PFKFB1: variants seen among roughly 807,000 people sequenced by gnomAD.
PFKFB1 encodes 6-phosphofructo-2-kinase/fructose-2,6-biphosphatase 1.
In PFKFB1, 34 loss-of-function variants were observed where a neutral mutation model predicts 46.4. That is an observed-to-expected ratio of 0.73 (90% CI 0.56 to 0.98). The LOEUF is 0.98. PFKFB1 is among the 50% of genes least tolerant of loss of function. PFKFB1 has a pLI of 0.00. For missense variants in PFKFB1, 393 were observed against 376.3 expected, an observed-to-expected ratio of 1.04 and a Z score of -0.37; for synonymous variants, 119 against 133.8, an observed-to-expected ratio of 0.89 and a Z score of 0.76.
chrX:54,987,798 A>G (rs935269017), intron 1 of PFKFB1, among the ~76,000 whole-genome samples: 2 of 110,815 alleles, frequency 1.8e-5, no homozygotes, highest in Admixed American at 9.6e-5. Context: ...GATAAAACCA[A>G]CAACAAATTA....
At chrX:54,994,698 C>T (rs1235595270), upstream of PFKFB1, 17 of 754,551 alleles carry the variant, frequency 2.3e-5, no homozygotes, top group Non-Finnish European at 2.7e-5. Flanking sequence ...CATTGCATCC[C>T]TTGTCTTCTC....
rs1018002998 is a variant in PFKFB1 at position 54,987,336 on chromosome X, G to A, written c.97+6575C>T. ...AGAAAGAAAAGTCCAGGATTAGATG[G>A]TTTCACTGGTGAATTCTACAAACAT... On this transcript the variant is annotated intron_variant, in intron 1 of 13. Transcript: ENST00000375006. Among the ~76,000 whole-genome samples, 42 of 111,286 alleles carry A rather than the reference G, an allele frequency of 3.8e-4. 1 individual carries two copies. Among genetic ancestry groups the A allele is most frequent in the African/African-American group, 1.3e-3 (41 of 30,842 alleles).
In PFKFB1 at chrX:54,962,478, T is replaced by C. The variant is rs781562150; in HGVS notation, c.223+779A>G. Reference sequence around the variant, plus strand: ...GACAGGGTGTGAGTCTCAACCAGTTTTGTATCCCCACTGCCTAGCAGGAGT... The same window carrying C: ...GACAGGGTGTGAGTCTCAACCAGTTCTGTATCCCCACTGCCTAGCAGGAGT... On this transcript the variant is annotated intron_variant, in intron 2 of 13. Coordinates refer to ENST00000375006, the MANE Select transcript of PFKFB1 (RefSeq NM_002625.4). Among the ~76,000 whole-genome samples the C allele has an allele frequency of 1.3e-3, 148 of 112,311 alleles. 1 individual carries two copies. Among genetic ancestry groups the C allele is most frequent in the Non-Finnish European group, 2.2e-3 (115 of 53,256 alleles).
chrX:54,975,344 G>A (rs1934809458), intron 1 of PFKFB1, among the ~76,000 whole-genome samples: 1 of 111,305 alleles, frequency 9.0e-6, no homozygotes, highest in African/African-American at 3.3e-5. Context: ...CTTGGATGGA[G>A]ATGGTGGCCA....
At position 54,949,087 on chromosome X, in the gene PFKFB1, A is replaced by G. The variant is rs769146081; in HGVS notation, c.981T>C (p.Asn327=). The G allele has an allele frequency of 1.2e-4, 147 of 1,205,625 alleles. 2 individuals are homozygous for G. Among genetic ancestry groups the G allele is most frequent in the Non-Finnish European group, 1.1e-4 (97 of 891,465 alleles). ...CCATGCATCTCACCGCATCAATCTC[A>G]TTCAGGGCCTTCCACTGCTCATAGG... ...GVPYEQWKAL[N]EIDAGVCEEM... The change falls in exon 9 of 14, where the codon AAT becomes AAC. Residue 327 remains asparagine, a synonymous_variant. Transcript: ENST00000375006.
Position 54,934,951 on chromosome X carries a change from A to G in PFKFB1, c.1287T>C (p.Ala429=). ...GATCAGGGTGGGAGTACTTACCATAAGCCACAGGAGTGAGTTTGAGCACTG... is the reference window on the plus strand; with the variant it reads ...GATCAGGGTGGGAGTACTTACCATAGGCCACAGGAGTGAGTTTGAGCACTG... ...LHTVLKLTPV[A]YGCKVESIYL... The change falls in exon 12 of 14, where the codon GCT becomes GCC. Residue 429 remains alanine (A), a synonymous_variant. Transcript: ENST00000375006. 8.3e-7 allele frequency: 1 copy of G among 1,202,161 alleles called. No homozygotes were observed. The highest frequency in any genetic ancestry group is 1.1e-6 in the Non-Finnish European group (1 of 887,145).
chrX:54,994,594 C>T (rs13440562), upstream of PFKFB1: 245 of 752,671 alleles, frequency 3.3e-4, no homozygotes, highest in Middle Eastern at 1.5e-3. Context: ...ACACAAAGTC[C>T]CTACTGGGGA....
chrX:54,986,951 A>C (rs1367460360), intron 1 of PFKFB1, among the ~76,000 whole-genome samples: 1 of 111,178 alleles, frequency 9.0e-6, no homozygotes, highest in Non-Finnish European at 1.9e-5. Flanking sequence ...TAGAGGTGAA[A>C]ATAATAAAAC....
intron 10 of PFKFB1, among the ~76,000 whole-genome samples, chrX:54,944,247 C>T: frequency 9.0e-6 from 1 of 110,701 alleles, no homozygotes; most frequent in East Asian, 2.8e-4. Flanking sequence ...AGGGTAATCT[C>T]TAAATGAATG....
intron 1 of PFKFB1, among the ~76,000 whole-genome samples, chrX:54,973,319 GT>G (rs1234089864): frequency 2.7e-5 from 3 of 111,196 alleles, no homozygotes; most frequent in Non-Finnish European, 5.7e-5. Flanking sequence ...TTTTTGAAGG[GT>G]TTTTTGTGTC....
At position 54,960,818 on chromosome X, in the gene PFKFB1, A is replaced by G; in HGVS notation, c.317+6T>C. On this transcript the variant is annotated splice_donor_region_variant and intron_variant, in intron 3 of 13. Coordinates refer to ENST00000375006, the MANE Select transcript of PFKFB1 (RefSeq NM_002625.4). ...AGCACAGGTTCCTAAAATATTGGGT[A>G]CTTACTTCCTGATTTGCAGGGCTTC... is the stretch of plus-strand genomic sequence containing the variant. 8.8e-7 allele frequency: 1 copy of G among 1,132,208 alleles called. No individual in the cohort carries two copies. The highest frequency in any genetic ancestry group is 1.2e-6 in the Non-Finnish European group (1 of 828,291). 93.3% of individuals were successfully genotyped at this position (1,132,208 alleles called of 1,213,427 possible). A position where few individuals can be genotyped will look rare whatever the true frequency, so the allele number is the denominator to read the frequency against.
At chrX:54,975,628 G>C (rs1024512398) in intron 1 of PFKFB1, among the ~76,000 whole-genome samples, 2 of 110,692 alleles carry the variant, frequency 1.8e-5, no homozygotes, top group Non-Finnish European at 3.8e-5. Context: ...AAAAACTATT[G>C]AAAATAAATA....
At chrX:54,983,669 C>G (rs1276693659) in intron 1 of PFKFB1, among the ~76,000 whole-genome samples, 1 of 112,008 alleles carries the variant, frequency 8.9e-6, no homozygotes, top group Non-Finnish European at 1.9e-5. Context: ...TTTATATCCC[C>G]TTGGGTATAT....
At chrX:54,937,348 T>G (rs927882764) in intron 11 of PFKFB1, among the ~76,000 whole-genome samples, 6 of 112,360 alleles carry the variant, frequency 5.3e-5, no homozygotes, top group Middle Eastern at 4.6e-3. Flanking sequence ...TGTTCTAAAC[T>G]TTTTACTTAT....
chrX:54,945,294 T>C, intron 10 of PFKFB1, 145 bp downstream of exon 10: 2 of 384,768 alleles, frequency 5.2e-6, no homozygotes, highest in Non-Finnish European at 9.0e-6. Context: ...AAGGGCCAGA[T>C]AATCATGTGC....
chrX:54,946,529 G>A (rs1307334016), intron 9 of PFKFB1, among the ~76,000 whole-genome samples: 2 of 111,561 alleles, frequency 1.8e-5, no homozygotes, highest in African/African-American at 3.3e-5. Flanking sequence ...CCCCATCAGG[G>A]GTGAGGAAGT....
At chrX:54,997,658 C>G (rs1483192088), upstream of PFKFB1, among the ~76,000 whole-genome samples, 1 of 111,687 alleles carries the variant, frequency 9.0e-6, no homozygotes, top group Non-Finnish European at 1.9e-5. Context: ...CACACACTTA[C>G]AAGCTAGGTG....
chrX:54,960,849 T>C lies in PFKFB1; in HGVS notation c.292A>G (p.Asn98Asp), dbSNP rs1156585179. The C allele has an allele frequency of 1.7e-6, 2 of 1,185,969 alleles. No homozygotes were observed. Among genetic ancestry groups the C allele is most frequent in the East Asian group, 6.1e-5 (2 of 32,963 alleles). The change falls in exon 3 of 14, where the codon AAC becomes GAC. Residue 98 changes from asparagine (N) to aspartate (D), a missense_variant. Transcript: ENST00000375006. The part of the protein sequence containing the change: ...YKNYEFFLPD[N>D]MEALQIRKQC... ...TTCCTGATTTGCAGGGCTTCCATGTTGTCTGGAAGAAAGAATTCATAGTTC... is the reference window on the plus strand; with the variant it reads ...TTCCTGATTTGCAGGGCTTCCATGTCGTCTGGAAGAAAGAATTCATAGTTC...
chrX:54,993,845 C>T, intron 1 of PFKFB1, 66 bp downstream of exon 1: 1 of 1,140,000 alleles, frequency 8.8e-7, no homozygotes, highest in Middle Eastern at 2.4e-4. Flanking sequence ...GGAGGTGCAT[C>T]CTTTGCTCTT....
Sources: gnomAD v4.1 joint callset for allele counts (sites outside exome capture counted in the v4.1 genomes callset) on GRCh38, gnomAD v4.1.1 for gene constraint, MANE v1.5 for transcripts, NCBI Gene and HGNC (gene_info 2026-07-23, HGNC 2026-07-21) for gene names.